The following DTD1 variants were observed in gnomAD, a reference collection of about 807,000 sequenced individuals.
The protein encoded by DTD1 is D-tyrosyl-tRNA deacylase 1 homolog.
DTD1 carries 13 observed loss-of-function variants against 25.6 expected under a neutral mutation model. The ratio of observed to expected loss-of-function variants is 0.51; its 90% CI spans 0.33 to 0.81. The LOEUF is 0.81. Among genes scored for constraint, DTD1 ranks in the 30% least tolerant of loss-of-function variants. The probability of loss-of-function intolerance (pLI) is 0.02; values close to 1 mark genes in which losing one functional copy is unlikely to be tolerated. For synonymous variants in DTD1, 110 were observed against 103.6 expected (o/e 1.06, Z -0.37); for missense variants, 193 against 266.4 (o/e 0.72, Z 1.92).
intron 3 of DTD1, among the ~76,000 whole-genome samples, chr20:18,607,958 C>T (rs2060668473): frequency 6.6e-6 from 1 of 152,136 alleles, no homozygotes; most frequent in South Asian, 2.1e-4. Flanking sequence ...AGGTGATGCA[C>T]CTGCCTCAGC....
chr20:18,590,231 G>T (rs2060583677), intron 1 of DTD1, among the ~76,000 whole-genome samples: 1 of 152,164 alleles, frequency 6.6e-6, no homozygotes, highest in Non-Finnish European at 1.5e-5. Context: ...AGGCTGGAGT[G>T]CAGTGGCACT....
At chr20:18,701,958 TA>T (rs775896597) in intron 4 of DTD1, among the ~76,000 whole-genome samples, 3 of 152,242 alleles carry the variant, frequency 2.0e-5, no homozygotes, top group Non-Finnish European at 4.4e-5. Context: ...TGCTTAGAGC[TA>T]ATATACAGTG....
At chr20:18,706,261 A>C (rs1241018862) in intron 4 of DTD1, among the ~76,000 whole-genome samples, 1 of 152,044 alleles carries the variant, frequency 6.6e-6, no homozygotes, top group East Asian at 1.9e-4. Context: ...ATTGCGCCAC[A>C]CCCTGTGTTC....
Position 18,686,968 on chromosome 20 carries a change from G to T in DTD1, c.478-57132G>T, listed in dbSNP as rs149577057. Reference sequence around the variant, plus strand: ...TGCCAGGCACTGTCTAGACACTTGGGATTTAGCAGTGAACATAGAAAGATA... The same window carrying T: ...TGCCAGGCACTGTCTAGACACTTGGTATTTAGCAGTGAACATAGAAAGATA... On this transcript the variant is annotated intron_variant, in intron 4 of 5. Transcript: ENST00000377452. Among the ~76,000 whole-genome samples, 703 of 152,246 alleles carry T rather than the reference G, an allele frequency of 4.6e-3. 4 individuals carry two copies. The highest frequency in any genetic ancestry group is 0.016 in the African/African-American group (658 of 41,534).
intron 3 of DTD1, among the ~76,000 whole-genome samples, 176 bp downstream of exon 3, chr20:18,596,417 T>C (rs1190110641): frequency 6.6e-6 from 1 of 152,242 alleles, no homozygotes; most frequent in Non-Finnish European, 1.5e-5. Context: ...ACACATGTCC[T>C]CAGAATGCTT....
At chr20:18,726,872 TA>T (rs1441269140) in intron 4 of DTD1, among the ~76,000 whole-genome samples, 1 of 151,070 alleles carries the variant, frequency 6.6e-6, no homozygotes, top group Non-Finnish European at 1.5e-5. Flanking sequence ...TGCTTACTTA[TA>T]GGGGCCAGAA....
At chr20:18,702,461 A>G (rs889135883) in intron 4 of DTD1, among the ~76,000 whole-genome samples, 1 of 152,212 alleles carries the variant, frequency 6.6e-6, no homozygotes, top group Non-Finnish European at 1.5e-5. Context: ...AGCAAGGGCT[A>G]TAGAATAAAG....
At position 18,687,864 on chromosome 20, in the gene DTD1, A is replaced by T. The variant is rs80149589; in HGVS notation, c.478-56236A>T. On this transcript the variant is annotated intron_variant, in intron 4 of 5. Transcript: ENST00000377452. Reference sequence around the variant, plus strand: ...AGGATGGGGTGCACAGTCTTTGGACAGTAACAGTAACAAAGAAGACAGTTT... The same window carrying T: ...AGGATGGGGTGCACAGTCTTTGGACTGTAACAGTAACAAAGAAGACAGTTT... Among the ~76,000 whole-genome samples the T allele has an allele frequency of 3.5e-3, 526 of 152,354 alleles. 1 individual carries two copies. Among genetic ancestry groups the T allele is most frequent in the African/African-American group, 0.012 (485 of 41,582 alleles).
chr20:18,611,453 C>T (rs1271774907), intron 3 of DTD1, among the ~76,000 whole-genome samples: 4 of 152,216 alleles, frequency 2.6e-5, no homozygotes, highest in African/African-American at 9.6e-5. Flanking sequence ...AAGACCACTT[C>T]AGCAACTTTA....
intron 4 of DTD1, among the ~76,000 whole-genome samples, chr20:18,705,234 G>A (rs1239570480): frequency 6.6e-6 from 1 of 152,096 alleles, no homozygotes; most frequent in Non-Finnish European, 1.5e-5. Flanking sequence ...TTGCTTTTCA[G>A]GATATCAGGG....
chr20:18,719,243 A>ATGTG (rs757441887), intron 4 of DTD1, among the ~76,000 whole-genome samples: 9 of 146,558 alleles, frequency 6.1e-5, no homozygotes, highest in Admixed American at 2.8e-4. Context: ...GTGTATATAT[A>ATGTG]TATGTGTGTG....
chr20:18,661,533 G>A lies in DTD1; in HGVS notation c.477+33300G>A, dbSNP rs958624455. Among the ~76,000 whole-genome samples, 4 of 152,056 alleles carry A rather than the reference G, an allele frequency of 2.6e-5. No individual in the cohort carries two copies. The East Asian group carries it at 7.7e-4, about 29-fold the overall frequency. On this transcript the variant is annotated intron_variant, in intron 4 of 5. Transcript: ENST00000377452. ...ACTACAGGTGCCCGCCAGCACGCCTGGCTAATTTTTTGTATTTTTAGTAGA... is the reference window on the plus strand; with the variant it reads ...ACTACAGGTGCCCGCCAGCACGCCTAGCTAATTTTTTGTATTTTTAGTAGA...
intron 5 of DTD1, among the ~76,000 whole-genome samples, chr20:18,755,395 A>G (rs992244246): frequency 4.6e-5 from 7 of 152,170 alleles, no homozygotes; most frequent in African/African-American, 9.7e-5. Flanking sequence ...CATTAGGTAT[A>G]TCTCCTAATG....
intron 4 of DTD1, among the ~76,000 whole-genome samples, chr20:18,672,081 A>G (rs2060952999): frequency 6.6e-6 from 1 of 152,162 alleles, no homozygotes. Context: ...AGAAAGTTAA[A>G]AAATTAGCCA....
At chr20:18,599,894 T>C (rs1240255290) in intron 3 of DTD1, among the ~76,000 whole-genome samples, 1 of 152,250 alleles carries the variant, frequency 6.6e-6, no homozygotes, top group Admixed American at 6.5e-5. Flanking sequence ...AGAGTTCTTT[T>C]TATATTTTGG....
intron 3 of DTD1, among the ~76,000 whole-genome samples, chr20:18,597,840 CTATGA>C (rs1363100436): frequency 6.6e-6 from 1 of 152,122 alleles, no homozygotes; most frequent in African/African-American, 2.4e-5. Context: ...GAAGTACATT[CTATGA>C]TATATCAGTT....
chr20:18,762,393 C>T (rs1260331225), intron 5 of DTD1, among the ~76,000 whole-genome samples: 2 of 152,124 alleles, frequency 1.3e-5, no homozygotes, highest in Admixed American at 6.5e-5. Flanking sequence ...GTTATAGCCT[C>T]GGAATTACAA....
Position 18,744,371 on chromosome 20 carries a change from C to A in DTD1, c.*19+100C>A. 4 of 1,278,684 alleles carry A rather than the reference C, an allele frequency of 3.1e-6. No individual in the cohort carries two copies. In the East Asian group the frequency reaches 7.5e-5, roughly 24 times the overall value. The allele number at this position is 1,278,684 out of a possible 1,614,324, so 79.2% of individuals were successfully genotyped here. On this transcript the variant is annotated intron_variant, in intron 5 of 5. Coordinates refer to ENST00000377452, the MANE Select transcript of DTD1 (RefSeq NM_080820.6). The stretch of plus-strand genomic sequence containing the variant: ...GAGGCTGAATTCATTCATTTCACAG[C>A]GTTCATCCATAGCTTCCTTAAATCT...
chr20:18,652,472 G>C (rs2060877967), intron 4 of DTD1, among the ~76,000 whole-genome samples: 1 of 152,170 alleles, frequency 6.6e-6, no homozygotes, highest in African/African-American at 2.4e-5. Flanking sequence ...GAGTCTGGAG[G>C]GGCCCATCCA....
Sources: allele counts gnomAD v4.1 joint callset (sites outside exome capture counted in the v4.1 genomes callset), GRCh38; gene constraint gnomAD v4.1.1; transcripts MANE v1.5; gene names NCBI Gene and HGNC (gene_info 2026-07-23, HGNC 2026-07-21).